RAPGEF2: variants seen among roughly 807,000 people sequenced by gnomAD.
RAPGEF2 encodes the protein Rap guanine nucleotide exchange factor 2.
Under a neutral mutation model 186.7 loss-of-function variants are expected in RAPGEF2, and 54 were observed. The ratio of observed to expected loss-of-function variants is 0.29; its 90% CI spans 0.23 to 0.36. The LOEUF is 0.36. Among genes scored for constraint, RAPGEF2 ranks in the 10% least tolerant of loss-of-function variants. The probability of loss-of-function intolerance (pLI) is 1.00; values close to 1 mark genes in which losing one functional copy is unlikely to be tolerated. For missense variants in RAPGEF2, 1,532 were observed against 2,045.0 expected (o/e 0.75, Z 4.84); for synonymous variants, 712 against 705.9 (o/e 1.01, Z -0.14).
chr4:159,262,887 A>G (rs1368566505), intron 7 of RAPGEF2, among the ~76,000 whole-genome samples: 1 of 151,866 alleles, frequency 6.6e-6, no homozygotes, highest in African/African-American at 2.4e-5. Flanking sequence ...GATCTTTTTG[A>G]ACTCCCAGTT....
intron 7 of RAPGEF2, among the ~76,000 whole-genome samples, chr4:159,303,955 T>G (rs77215028): frequency 6.6e-6 from 1 of 152,178 alleles, no homozygotes; most frequent in African/African-American, 2.4e-5. Flanking sequence ...AGCTTAAATG[T>G]GTTTTCTTGT....
chr4:159,314,901 TA>T, intron 9 of RAPGEF2, 133 bp downstream of exon 9: 1 of 846,456 alleles, frequency 1.2e-6, no homozygotes, highest in South Asian at 2.8e-5. Context: ...GTATAAACAG[TA>T]GTATTTGTTG....
rs772043174 is a variant in RAPGEF2 at position 159,352,754 on chromosome 4, G to A, written c.3935G>A (p.Arg1312Gln). ...TCTGGTCACAGTGAAATTTCTTCACGATCCAGTATTGTTAGCAATTCGTCT... is the reference window on the plus strand; with the variant it reads ...TCTGGTCACAGTGAAATTTCTTCACAATCCAGTATTGTTAGCAATTCGTCT... ...SDSGHSEISS[R>Q]SSIVSNSSFD... Residue 1312 changes from arginine (R) to glutamine (Q), a missense_variant, in exon 27 of 30, where the codon CGA becomes CAA. Transcript: ENST00000691494. The A allele has an allele frequency of 8.7e-6, 14 of 1,614,038 alleles. No individual in the cohort carries two copies. The highest frequency in any genetic ancestry group is 3.3e-4 in the Middle Eastern group (2 of 6,084).
At chr4:159,294,634 T>TCCTCCTTCCTTCCTTCCTTC (rs1761685134) in intron 7 of RAPGEF2, among the ~76,000 whole-genome samples, 1 of 133,004 alleles carries the variant, frequency 7.5e-6, no homozygotes, top group Admixed American at 7.7e-5. Flanking sequence ...AGCTTCCATT[T>TCCTCCTTCCTTCCTTCCTTC]CTTCCTTCCT....
chr4:159,283,762 T>C (rs1391701543), intron 7 of RAPGEF2, among the ~76,000 whole-genome samples: 1 of 152,138 alleles, frequency 6.6e-6, no homozygotes, highest in Non-Finnish European at 1.5e-5. Context: ...AGCCAGGACA[T>C]TTTTTTAAAA....
intron 8 of RAPGEF2, among the ~76,000 whole-genome samples, chr4:159,308,738 C>T (rs963047139): frequency 2.0e-5 from 3 of 152,124 alleles, no homozygotes; most frequent in African/African-American, 7.2e-5. Flanking sequence ...CTTAGTCATT[C>T]TTAATTACTA....
At chr4:159,343,888 G>A (rs1580021790) in intron 22 of RAPGEF2, 148 bp from the exon 23 acceptor site, 1 of 689,952 alleles carries the variant, frequency 1.4e-6, no homozygotes. Context: ...TTCTAGTAAA[G>A]TTGCGTGTGT....
At chr4:159,317,882 T>G (rs1764786632) in intron 9 of RAPGEF2, among the ~76,000 whole-genome samples, 1 of 152,200 alleles carries the variant, frequency 6.6e-6, no homozygotes, top group Non-Finnish European at 1.5e-5. Flanking sequence ...TAATATATCT[T>G]TTTTGAATCT....
chr4:159,321,551 TC>T (rs1436811442), intron 9 of RAPGEF2, among the ~76,000 whole-genome samples: 1 of 152,036 alleles, frequency 6.6e-6, no homozygotes, highest in Non-Finnish European at 1.5e-5. Context: ...AGCCTTGGTT[TC>T]CTCCCTATGA....
At chr4:159,302,914 G>T (rs1762845936) in intron 7 of RAPGEF2, among the ~76,000 whole-genome samples, 1 of 151,952 alleles carries the variant, frequency 6.6e-6, no homozygotes, top group South Asian at 2.1e-4. Context: ...GGTAAGATAG[G>T]TTTGCGATTA....
chr4:159,343,208 G>T lies in RAPGEF2; in HGVS notation c.3130+18G>T, dbSNP rs374467858. ...TCACGAAGGTAAACATAAGGCAGAG[G>T]GTTTCCATCTTTGCTTGAAGAAGCA... On this transcript the variant is annotated intron_variant, in intron 21 of 29. Transcript: ENST00000691494. 99 of 1,613,776 alleles carry T rather than the reference G, an allele frequency of 6.1e-5. No individual in the cohort carries two copies. In the African/African-American group the frequency reaches 1.2e-3, roughly 20 times the overall value.
In RAPGEF2 at chr4:159,333,204, TC is replaced by T. The variant is rs890507797; in HGVS notation, c.2135+509del. On this transcript the variant is annotated intron_variant, in intron 17 of 29. Coordinates refer to ENST00000691494, the MANE Select transcript of RAPGEF2 (RefSeq NM_001394067.2). ...CATCTTGGCCAGGCTGGTCTTGAAC[TC>T]CTGACCTCGTGATCCACCCGCCTCG... Among the ~76,000 whole-genome samples, 18 of 152,140 alleles carry T rather than the reference TC, an allele frequency of 1.2e-4. No individual in the cohort carries two copies. In the East Asian group the frequency reaches 3.1e-3, roughly 26 times the overall value.
chr4:159,329,110 T>G (rs1373648415), intron 11 of RAPGEF2: 1 of 152,122 alleles, frequency 6.6e-6, no homozygotes, highest in African/African-American at 2.4e-5. Context: ...CTAGTTAATT[T>G]CTATAATAAG....
chr4:159,226,577 T>C (rs1752055229), intron 4 of RAPGEF2, among the ~76,000 whole-genome samples: 1 of 152,210 alleles, frequency 6.6e-6, no homozygotes, highest in Non-Finnish European at 1.5e-5. Context: ...GATTACTATC[T>C]TAACAATATT....
intron 7 of RAPGEF2, among the ~76,000 whole-genome samples, chr4:159,251,310 G>C (rs1302456307): frequency 4.6e-5 from 7 of 152,276 alleles, no homozygotes; most frequent in South Asian, 4.1e-4. Context: ...AAGGGCTGAG[G>C]AGTGCAGTGT....
At chr4:159,262,533 A>G (rs1278422309) in intron 7 of RAPGEF2, among the ~76,000 whole-genome samples, 1 of 152,214 alleles carries the variant, frequency 6.6e-6, no homozygotes, top group Non-Finnish European at 1.5e-5. Context: ...TAAAAGATAG[A>G]TTCTAGGGAA....
intron 7 of RAPGEF2, among the ~76,000 whole-genome samples, chr4:159,268,836 A>G (rs1052676358): frequency 6.6e-6 from 1 of 152,146 alleles, no homozygotes; most frequent in Non-Finnish European, 1.5e-5. Flanking sequence ...TCTATGCCTA[A>G]CACCAAGTCA....
intron 1 of RAPGEF2, among the ~76,000 whole-genome samples, chr4:159,143,806 G>A (rs1467263736): frequency 6.6e-6 from 1 of 152,100 alleles, no homozygotes; most frequent in Non-Finnish European, 1.5e-5. Context: ...CTGCCTTTTT[G>A]ACAGATCATA....
Position 159,355,726 on chromosome 4 carries a change from C to G in RAPGEF2, c.4652-127C>G, listed in dbSNP as rs1002901600. On this transcript the variant is annotated intron_variant, in intron 28 of 29. Coordinates refer to ENST00000691494, the MANE Select transcript of RAPGEF2 (RefSeq NM_001394067.2). ...GGCCTGCCTCACACCGCACCTCTAA[C>G]CGATACCATGCAAATGCACATCTGC... 4.4e-6 allele frequency: 4 copies of G among 907,498 alleles called. No individual in the cohort carries two copies. The East Asian group carries it at 1.1e-4, about 24-fold the overall frequency. 56.2% of individuals were successfully genotyped at this position (907,498 alleles called of 1,614,324 possible). A position where few individuals can be genotyped will look rare whatever the true frequency, so the allele number is the denominator to read the frequency against.
Sources: gnomAD v4.1 joint callset for allele counts (sites outside exome capture counted in the v4.1 genomes callset) on GRCh38, gnomAD v4.1.1 for gene constraint, MANE v1.5 for transcripts, NCBI Gene and HGNC (gene_info 2026-07-23, HGNC 2026-07-21) for gene names.